The following SH3KBP1 variants were observed in gnomAD, a reference collection of about 807,000 sequenced individuals.
The protein encoded by SH3KBP1 is SH3 domain containing kinase binding protein 1, also known as SH3 domain-containing kinase-binding protein 1.
Under a neutral mutation model 50.1 loss-of-function variants are expected in SH3KBP1, and 8 were observed. The observed-to-expected ratio is 0.16, with a 90% CI of 0.09 to 0.29. The LOEUF is 0.29. Among genes scored for constraint, SH3KBP1 ranks in the 10% least tolerant of loss-of-function variants. SH3KBP1 has a pLI of 1.00. For synonymous variants in SH3KBP1, 227 were observed against 218.6 expected (o/e 1.04, Z -0.34); for missense variants, 377 against 535.2 (o/e 0.70, Z 2.92).
rs1271682494 is a variant in SH3KBP1, at chrX:19,536,148, C to T, written c.*269G>A. Reference sequence around the variant, plus strand: ...GACTAAACTGCCTGAGTTTTCATTTCGCATTGAGATCTCAGAGTAGAAAAG... The same window carrying T: ...GACTAAACTGCCTGAGTTTTCATTTTGCATTGAGATCTCAGAGTAGAAAAG... On this transcript the variant is annotated 3_prime_UTR_variant, in exon 18 of 18. Transcript: ENST00000397821. 1 of 235,365 alleles carries T rather than the reference C, an allele frequency of 4.2e-6. No homozygotes were observed. The highest frequency in any genetic ancestry group is 7.0e-5 in the Admixed American group (1 of 14,309). 19.4% of individuals were successfully genotyped at this position (235,365 alleles called of 1,213,427 possible).
intron 14 of SH3KBP1, 35 bp downstream of exon 14, chrX:19,549,939 A>C (rs201725365): frequency 1.2e-4 from 121 of 992,960 alleles, no homozygotes; most frequent in South Asian, 2.2e-4. Flanking sequence ...CGCTGTAGAG[A>C]AGTAAGGGAA....
chrX:19,671,312 A>G (rs1214476182), intron 6 of SH3KBP1, among the ~76,000 whole-genome samples: 1 of 110,973 alleles, frequency 9.0e-6, no homozygotes, highest in Admixed American at 9.6e-5. Context: ...TGACATATCA[A>G]TCATGAACAT....
rs1351793854 is a variant in SH3KBP1 at position 19,660,730 on chromosome X, T to C, written c.727-15255A>G. ...GCATGTGTCTGGGAAAAATGGGCTG[T>C]TGTCAGAGAACAGAAAGCCTTTTAT... On this transcript the variant is annotated intron_variant, in intron 6 of 17. Coordinates refer to ENST00000397821, the MANE Select transcript of SH3KBP1 (RefSeq NM_031892.3). 1.8e-5 allele frequency among the ~76,000 whole-genome samples: 2 copies of C among 112,087 alleles called. 1 individual carries two copies. Among genetic ancestry groups the C allele is most frequent in the East Asian group, 5.6e-4 (2 of 3,589 alleles).
chrX:19,835,274 C>T (rs369562154), intron 2 of SH3KBP1, among the ~76,000 whole-genome samples: 3 of 110,614 alleles, frequency 2.7e-5, no homozygotes, highest in Non-Finnish European at 5.7e-5. Flanking sequence ...GCTGAGAATA[C>T]AGGTGCACAC....
At chrX:19,799,768 C>T (rs1378885711) in intron 2 of SH3KBP1, 18 of 1,178,162 alleles carry the variant, frequency 1.5e-5, no homozygotes, top group Non-Finnish European at 2.0e-5. Context: ...AACTGCAAGT[C>T]TCTCTGATTC....
intron 14 of SH3KBP1, among the ~76,000 whole-genome samples, chrX:19,548,237 A>AC (rs1319103645): frequency 8.9e-6 from 1 of 112,596 alleles, no homozygotes; most frequent in African/African-American, 3.2e-5. Context: ...GGATGTATGG[A>AC]CCAAAGGTGG....
chrX:19,734,649 C>A (rs2064485692), intron 3 of SH3KBP1, among the ~76,000 whole-genome samples: 1 of 111,748 alleles, frequency 8.9e-6, no homozygotes, highest in African/African-American at 3.3e-5. Context: ...TTTCTATCAC[C>A]CCAAAAAGAA....
intron 2 of SH3KBP1, among the ~76,000 whole-genome samples, chrX:19,783,051 G>A (rs993886890): frequency 3.6e-5 from 4 of 112,027 alleles, no homozygotes; most frequent in African/African-American, 1.3e-4. Context: ...CCAAGAGGTC[G>A]AGGTTGCAGT....
intron 3 of SH3KBP1, among the ~76,000 whole-genome samples, chrX:19,724,469 C>A (rs1436291142): frequency 8.9e-6 from 1 of 112,105 alleles, no homozygotes; most frequent in Non-Finnish European, 1.9e-5. Context: ...AATGGTCTGC[C>A]GCAGAGATCA....
intron 16 of SH3KBP1, among the ~76,000 whole-genome samples, chrX:19,539,046 T>G (rs111394359): frequency 0.046 from 5,149 of 111,985 alleles, 285 homozygotes; most frequent in African/African-American, 0.16. Context: ...TGGCATGACT[T>G]AGGATCCACG....
intron 1 of SH3KBP1, among the ~76,000 whole-genome samples, chrX:19,865,076 T>A (rs959294737): frequency 1.8e-5 from 2 of 112,321 alleles, no homozygotes; most frequent in African/African-American, 6.5e-5. Flanking sequence ...CCACTCAGAG[T>A]TATTTCTGTA....
At chrX:19,747,503 T>C (rs1049060621) in intron 2 of SH3KBP1, among the ~76,000 whole-genome samples, 3 of 111,149 alleles carry the variant, frequency 2.7e-5, no homozygotes, top group Non-Finnish European at 5.7e-5. Context: ...AGGTAAGAAA[T>C]GGGGATGGGC....
At chrX:19,797,471 G>A (rs1454825578) in intron 2 of SH3KBP1, among the ~76,000 whole-genome samples, 1 of 112,027 alleles carries the variant, frequency 8.9e-6, no homozygotes, top group Admixed American at 9.5e-5. Flanking sequence ...GGTAGGCAAA[G>A]CCAGACCATA....
At chrX:19,837,807 G>A (rs1254217020) in intron 1 of SH3KBP1, among the ~76,000 whole-genome samples, 1 of 110,987 alleles carries the variant, frequency 9.0e-6, no homozygotes, top group Non-Finnish European at 1.9e-5. Flanking sequence ...ATGAATACAA[G>A]GATAGCAAAA....
chrX:19,791,792 G>A, intron 2 of SH3KBP1, among the ~76,000 whole-genome samples: 1 of 111,510 alleles, frequency 9.0e-6, no homozygotes, highest in East Asian at 2.8e-4. Context: ...TGGGCTTCAT[G>A]AACAAGGCAC....
intron 2 of SH3KBP1, among the ~76,000 whole-genome samples, chrX:19,769,384 G>A (rs1422398615): frequency 9.0e-6 from 1 of 110,571 alleles, no homozygotes; most frequent in Non-Finnish European, 1.9e-5. Context: ...GATTACAGGT[G>A]TGAGCCACCA....
chrX:19,550,102 A>G lies in SH3KBP1; in HGVS notation c.1385-19T>C, dbSNP rs949870255. On this transcript the variant is annotated intron_variant, in intron 13 of 17. Transcript: ENST00000397821. Reference sequence around the variant, plus strand: ...TCTAAGTCTAAAACAAAAGTAAAACAGTTTTAAGAGCCAAAATAGGAGCAA... The same window carrying G: ...TCTAAGTCTAAAACAAAAGTAAAACGGTTTTAAGAGCCAAAATAGGAGCAA... 1 of 1,079,446 alleles carries G rather than the reference A, an allele frequency of 9.3e-7. No homozygotes were observed. The highest frequency in any genetic ancestry group is 1.8e-5 in the African/African-American group (1 of 55,213). 89.0% of individuals were successfully genotyped at this position (1,079,446 alleles called of 1,213,427 possible).
Position 19,608,005 on chromosome X carries a change from C to T in SH3KBP1, c.938G>A (p.Gly313Asp). Residue 313 changes from glycine (G) to aspartate (D), a missense_variant, in exon 9 of 18, where the codon GGC (glycine) becomes GAC (aspartate). By Grantham distance (94) the Gly-to-Asp change is moderately conservative (BLOSUM62 -1). Around this residue, in one of 3 missense-constraint regions of SH3KBP1, gnomAD observed 257 missense variants for 374.2 expected, o/e 0.69. Coordinates refer to ENST00000397821, the MANE Select transcript of SH3KBP1 (RefSeq NM_031892.3). ...DVGWWEGELN[G>D]RRGVFPDNFV... is the part of the protein sequence containing the mutation. Reference sequence around the variant, plus strand: ...GTTATCGGGGAACACGCCTCGTCTGCCGTTCAGCTCTCCTTCCCACCAGCC... The same window carrying T: ...GTTATCGGGGAACACGCCTCGTCTGTCGTTCAGCTCTCCTTCCCACCAGCC... 1 of 1,211,382 alleles carries T rather than the reference C, an allele frequency of 8.3e-7. No homozygotes were observed. Among genetic ancestry groups the T allele is most frequent in the East Asian group, 3.0e-5 (1 of 33,812 alleles).
chrX:19,715,668 A>G (rs2063891552), intron 3 of SH3KBP1, among the ~76,000 whole-genome samples: 1 of 112,114 alleles, frequency 8.9e-6, no homozygotes, highest in African/African-American at 3.3e-5. Context: ...TTCCAGGATC[A>G]GGTTATTTTA....
Sources: gnomAD v4.1 joint callset for allele counts (sites outside exome capture counted in the v4.1 genomes callset) on GRCh38, gnomAD v4.1.1 for gene constraint, gnomAD v4.1.1 regional missense constraint, MANE v1.5 for transcripts, NCBI Gene and HGNC (gene_info 2026-07-23, HGNC 2026-07-21) for gene names.